Variants in SLC1A4 observed in about 807,000 individuals in gnomAD.
SLC1A4 encodes neutral amino acid transporter A.
In SLC1A4, 19 loss-of-function variants were observed where a neutral mutation model predicts 37.7. The ratio of observed to expected loss-of-function variants is 0.50; its 90% confidence interval spans 0.35 to 0.74. The LOEUF (loss-of-function observed/expected upper bound fraction) is 0.74. Among genes scored for constraint, SLC1A4 ranks in the 30% least tolerant of loss-of-function variants. SLC1A4 has a pLI of 0.01. For missense variants in SLC1A4, 570 were observed against 712.9 expected, an observed-to-expected ratio of 0.80 and a Z score of 2.28; for synonymous variants, 299 against 309.8, an observed-to-expected ratio of 0.97 and a Z score of 0.37.
Position 65,007,270 on chromosome 2 carries a change from T to TTG in SLC1A4, c.633+3273_633+3274dup, listed in dbSNP as rs57019332. On this transcript the variant is annotated intron_variant, in intron 3 of 7. Coordinates refer to ENST00000234256, the MANE Select transcript of SLC1A4 (RefSeq NM_003038.5). ...GGGCAAATAGATAGGAAGAGTGTGT[T>TTG]TGTGTGTGTGTGTGTGTGTCTGTGG... Among the ~76,000 whole-genome samples, 487 of 149,466 alleles carry TTG rather than the reference T, an allele frequency of 3.3e-3. 1 individual carries two copies. Among genetic ancestry groups the TTG allele is most frequent in the African/African-American group, 9.2e-3 (376 of 40,920 alleles).
At chr2:65,014,708 T>C (rs1441099640) in intron 4 of SLC1A4, among the ~76,000 whole-genome samples, 2 of 152,236 alleles carry the variant, frequency 1.3e-5, no homozygotes, top group Non-Finnish European at 2.9e-5. Flanking sequence ...CTACTGAAAT[T>C]TAAAATATGC....
chr2:65,008,563 C>A (rs1170845748), intron 3 of SLC1A4, among the ~76,000 whole-genome samples: 1 of 152,140 alleles, frequency 6.6e-6, no homozygotes. Flanking sequence ...ATTGCTTAGA[C>A]CCTGGAGATC....
rs1674522391 is a variant in SLC1A4 at position 65,023,697 on chromosome 2, G to A, written c.*2551G>A. 2 of 152,620 alleles carry A rather than the reference G, an allele frequency of 1.3e-5. No homozygotes were observed. Among genetic ancestry groups the A allele is most frequent in the Non-Finnish European group, 2.9e-5 (2 of 68,040 alleles). 9.5% of individuals were successfully genotyped at this position (152,620 alleles called of 1,614,324 possible). A position where few individuals can be genotyped will look rare whatever the true frequency, so the allele number is the denominator to read the frequency against. On this transcript the variant is annotated 3_prime_UTR_variant, in exon 8 of 8. Coordinates refer to ENST00000234256, the MANE Select transcript of SLC1A4 (RefSeq NM_003038.5). ...TCGGTAGACCAGGGGTTACGTGACT[G>A]GGGAAAATCTCACATCTCCTTGTCT...
intron 1 of SLC1A4, chr2:65,000,920 C>T (rs562258045): frequency 2.0e-5 from 3 of 152,542 alleles, no homozygotes; most frequent in East Asian, 1.9e-4. Context: ...ACAACAAAAA[C>T]GCCCTTGGAT....
At chr2:64,999,166 G>C (rs1285112592) in intron 1 of SLC1A4, among the ~76,000 whole-genome samples, 1 of 152,208 alleles carries the variant, frequency 6.6e-6, no homozygotes, top group Admixed American at 6.5e-5. Context: ...GCCAATATAA[G>C]TTGCTAGTCT....
chr2:65,005,229 G>A (rs942807078), intron 3 of SLC1A4, among the ~76,000 whole-genome samples: 3 of 152,168 alleles, frequency 2.0e-5, no homozygotes, highest in Non-Finnish European at 4.4e-5. Flanking sequence ...GCATTTGGTT[G>A]CCTGAACATT....
Position 64,989,658 on chromosome 2 carries a change from C to T in SLC1A4, c.15C>T (p.Asn5=). The part of the protein sequence containing the change: MEKS[N]ETNGYLDSAQ... ...CGTGTAGCGCCATGGAGAAGAGCAACGAGACCAACGGCTACCTTGACAGCG... is the reference window on the plus strand; with the variant it reads ...CGTGTAGCGCCATGGAGAAGAGCAATGAGACCAACGGCTACCTTGACAGCG... The change falls in exon 1 of 8, where the codon AAC becomes AAT. Residue 5 remains asparagine (N), a synonymous_variant. Transcript: ENST00000234256. 2.0e-6 allele frequency: 3 copies of T among 1,536,276 alleles called. No individual in the cohort carries two copies. The highest frequency in any genetic ancestry group is 5.4e-5 in the East Asian group (2 of 37,230).
chr2:64,990,467 T>G (rs1673012006), intron 1 of SLC1A4, among the ~76,000 whole-genome samples: 1 of 152,164 alleles, frequency 6.6e-6, no homozygotes, highest in Non-Finnish European at 1.5e-5. Context: ...GCCCCGCCTG[T>G]TCTTTACTCC....
rs113001957 is a variant in SLC1A4, at chr2:65,021,880, G to T, written c.*734G>T. 3,422 of 152,440 alleles carry T rather than the reference G, an allele frequency of 0.022. 55 individuals are homozygous for T. Among genetic ancestry groups the T allele is most frequent in the South Asian group, 0.032 (153 of 4,832 alleles). The allele number at this position is 152,440 out of a possible 1,614,324, so 9.4% of individuals were successfully genotyped here. On this transcript the variant is annotated 3_prime_UTR_variant, in exon 8 of 8. Coordinates refer to ENST00000234256, the MANE Select transcript of SLC1A4 (RefSeq NM_003038.5). ...GCAGAGGGTTCTCTAATCTAATCAG[G>T]ACAGGACAGGTTTCACATACAATTG...
In SLC1A4 at chr2:65,007,831, T is replaced by C. The variant is rs190213332; in HGVS notation, c.634-2766T>C. On this transcript the variant is annotated intron_variant, in intron 3 of 7. Transcript: ENST00000234256. ...TTAAACATTTGTCTTTTCTTTGTGG[T>C]AGAAATATTACAATTATTCTAGCTA... Among the ~76,000 whole-genome samples the C allele has an allele frequency of 2.2e-4, 34 of 152,376 alleles. 2 individuals carry two copies. The East Asian group carries it at 6.5e-3, about 29-fold the overall frequency.
At chr2:65,016,773 A>G in intron 5 of SLC1A4, 100 bp downstream of exon 5, 1 of 777,220 alleles carries the variant, frequency 1.3e-6, no homozygotes, top group East Asian at 2.5e-5. Flanking sequence ...ACATACTTTA[A>G]TTCCTGGAAA....
chr2:64,997,540 G>A (rs1673301551), intron 1 of SLC1A4, among the ~76,000 whole-genome samples: 1 of 152,148 alleles, frequency 6.6e-6, no homozygotes, highest in Non-Finnish European at 1.5e-5. Context: ...GCTTTTTCTA[G>A]AGTTTCATAT....
chr2:65,003,945 G>C lies in SLC1A4; in HGVS notation c.571-8G>C. Reference sequence around the variant, plus strand: ...TAACAGTGGGTTTTTTTTTCCTCTTGATCACAGTATGCAACCGATTATAAA... The same window carrying C: ...TAACAGTGGGTTTTTTTTTCCTCTTCATCACAGTATGCAACCGATTATAAA... On this transcript the variant is annotated splice_region_variant and splice_polypyrimidine_tract_variant and intron_variant, in intron 2 of 7. Coordinates refer to ENST00000234256, the MANE Select transcript of SLC1A4 (RefSeq NM_003038.5). 6.2e-7 allele frequency: 1 copy of C among 1,611,656 alleles called. No individual in the cohort carries two copies. The highest frequency in any genetic ancestry group is 8.5e-7 in the Non-Finnish European group (1 of 1,178,604).
intron 7 of SLC1A4, among the ~76,000 whole-genome samples, chr2:65,019,209 T>G (rs953530813): frequency 2.0e-5 from 3 of 152,198 alleles, no homozygotes; most frequent in African/African-American, 7.2e-5. Flanking sequence ...CAAAACAGTT[T>G]CTGTGCATGG....
intron 3 of SLC1A4, among the ~76,000 whole-genome samples, chr2:65,007,446 C>T (rs72886516): frequency 0.078 from 11,890 of 152,188 alleles, 1,071 homozygotes; most frequent in East Asian, 0.29. Flanking sequence ...ACTCTGGTTG[C>T]TTGTAGTCCC....
intron 3 of SLC1A4, among the ~76,000 whole-genome samples, chr2:65,008,577 G>A (rs1163369772): frequency 6.6e-6 from 1 of 152,078 alleles, no homozygotes; most frequent in Non-Finnish European, 1.5e-5. Flanking sequence ...GGAGATCAAG[G>A]CTGCAGTGAG....
Position 65,018,450 on chromosome 2 carries a change from T to A in SLC1A4, c.1230-95T>A. 2 of 1,543,190 alleles carry A rather than the reference T, an allele frequency of 1.3e-6. No homozygotes were observed. Among genetic ancestry groups the A allele is most frequent in the Non-Finnish European group, 1.8e-6 (2 of 1,141,232 alleles). ...GCAGAGCCTATGGTGGGGCGGTTTT[T>A]AGTTTCCAGCCACATTGCAGCTGCA... On this transcript the variant is annotated intron_variant, in intron 6 of 7. Coordinates refer to ENST00000234256, the MANE Select transcript of SLC1A4 (RefSeq NM_003038.5). The surrounding 1 kb of genome is among the most constrained non-coding windows in gnomAD (Gnocchi z 4.3).
At chr2:65,017,626 T>C (rs576764419) in intron 5 of SLC1A4, among the ~76,000 whole-genome samples, 1 of 151,974 alleles carries the variant, frequency 6.6e-6, no homozygotes, top group African/African-American at 2.4e-5. Context: ...CTTATGGTTA[T>C]CTACTTAGTT....
chr2:64,991,897 G>A (rs1486383106), intron 1 of SLC1A4, among the ~76,000 whole-genome samples: 1 of 152,082 alleles, frequency 6.6e-6, no homozygotes, highest in South Asian at 2.1e-4. Flanking sequence ...CACCCTGCCT[G>A]GCCCCAGCTA....
Sources: gnomAD v4.1 joint callset for allele counts (sites outside exome capture counted in the v4.1 genomes callset) on GRCh38, gnomAD v4.1.1 for gene constraint, Gnocchi (gnomAD v3.1) non-coding constraint, MANE v1.5 for transcripts, NCBI Gene and HGNC (gene_info 2026-07-23, HGNC 2026-07-21) for gene names.